CTNNA3: variants seen among roughly 807,000 people sequenced by gnomAD.
CTNNA3 encodes catenin alpha-3.
A neutral mutation model predicts 95.7 loss-of-function variants in CTNNA3; 76 were observed. That is an observed-to-expected ratio of 0.79 (90% confidence interval 0.66 to 0.96). CTNNA3 has a LOEUF of 0.96. CTNNA3 is among the 40% of genes least tolerant of loss of function. The probability of loss-of-function intolerance (pLI) is 0.00; values close to 1 mark genes in which losing one functional copy is unlikely to be tolerated. For synonymous variants in CTNNA3, 431 were observed against 374.4 expected (o/e 1.15, Z -1.74); for missense variants, 1,191 against 1,089.8 (o/e 1.09, Z -1.31).
At chr10:65,943,045 T>C (rs557374255) in intron 17 of CTNNA3, among the ~76,000 whole-genome samples, 1 of 152,026 alleles carries the variant, frequency 6.6e-6, no homozygotes, top group African/African-American at 2.4e-5. Context: ...CTGTTGATAA[T>C]AGTTATGTCT....
chr10:66,596,130 T>C (rs1843705781), intron 10 of CTNNA3, among the ~76,000 whole-genome samples: 1 of 151,728 alleles, frequency 6.6e-6, no homozygotes, highest in African/African-American at 2.4e-5. Flanking sequence ...ATTAGCAAAA[T>C]GAAATAATCT....
chr10:67,544,467 G>A (rs1840780030), intron 3 of CTNNA3, among the ~76,000 whole-genome samples: 2 of 152,094 alleles, frequency 1.3e-5, no homozygotes, highest in African/African-American at 4.8e-5. Context: ...TCTGAGCTGG[G>A]GAGACAAAGC....
chr10:66,321,431 T>C (rs1389879693), intron 12 of CTNNA3, among the ~76,000 whole-genome samples: 4 of 152,096 alleles, frequency 2.6e-5, no homozygotes, highest in Non-Finnish European at 2.9e-5. Context: ...AAGAAGTAAC[T>C]TAACTGTGCA....
chr10:67,443,037 C>T (rs1344726901), intron 5 of CTNNA3, among the ~76,000 whole-genome samples: 1 of 146,826 alleles, frequency 6.8e-6, no homozygotes, highest in Non-Finnish European at 1.5e-5. Context: ...TGAGTGAGAA[C>T]ATGCGGTGTT....
chr10:67,392,296 C>T (rs528909530), intron 5 of CTNNA3, among the ~76,000 whole-genome samples: 6 of 152,274 alleles, frequency 3.9e-5, no homozygotes, highest in Admixed American at 6.5e-5. Flanking sequence ...CCAACAGACA[C>T]GTGAAAAAAT....
At chr10:66,187,976 T>G (rs1335852853) in intron 13 of CTNNA3, among the ~76,000 whole-genome samples, 1 of 152,114 alleles carries the variant, frequency 6.6e-6, no homozygotes, top group African/African-American at 2.4e-5. Context: ...TTTGAATATG[T>G]TCAAAGAAAA....
chr10:67,223,478 TC>T (rs1864748933), intron 5 of CTNNA3, among the ~76,000 whole-genome samples: 2 of 152,182 alleles, frequency 1.3e-5, no homozygotes, highest in African/African-American at 2.4e-5. Context: ...TTATTTATAA[TC>T]TTTTTTTAAA....
chr10:67,687,067 ACCTGGTTACAGGCCAT>A (rs1197054785), intron 1 of CTNNA3, among the ~76,000 whole-genome samples: 2 of 152,234 alleles, frequency 1.3e-5, no homozygotes, highest in African/African-American at 2.4e-5. Context: ...TGGGAGAAAT[ACCTGGTTACAGGCCAT>A]CCCAGGATTC....
chr10:67,114,469 C>A (rs1859068475), intron 7 of CTNNA3, among the ~76,000 whole-genome samples: 1 of 151,964 alleles, frequency 6.6e-6, no homozygotes, highest in Non-Finnish European at 1.5e-5. Flanking sequence ...AATATTAAAG[C>A]TAGTCCACAC....
intron 7 of CTNNA3, among the ~76,000 whole-genome samples, chr10:66,984,905 T>G (rs1021251961): frequency 6.6e-6 from 1 of 152,202 alleles, no homozygotes; most frequent in African/African-American, 2.4e-5. Context: ...GCTTTTTTTT[T>G]GTTTAAGTAC....
intron 15 of CTNNA3, among the ~76,000 whole-genome samples, chr10:65,990,375 A>G (rs1192998923): frequency 1.4e-5 from 2 of 147,938 alleles, no homozygotes; most frequent in East Asian, 3.9e-4. Context: ...TTTTCAACAT[A>G]CCTTTGCCAG....
chr10:66,109,866 C>CAAA lies in CTNNA3; in HGVS notation c.1885-6620_1885-6618dup, dbSNP rs201092050. Among the ~76,000 whole-genome samples the CAAA allele has an allele frequency of 2.5e-4, 35 of 140,834 alleles. No individual in the cohort carries two copies. In the South Asian group the frequency reaches 4.3e-3, roughly 17 times the overall value. 92.4% of individuals were successfully genotyped at this position (140,834 alleles called of 152,430 possible). A position where few individuals can be genotyped will look rare whatever the true frequency, so the allele number is the denominator to read the frequency against. ...CACATGTAACCTAAAACTTAAAGTA[C>CAAA]AAAAAAAAAAAACTACAAACTTGCT... is the stretch of plus-strand genomic sequence containing the variant. On this transcript the variant is annotated intron_variant, in intron 13 of 17. Transcript: ENST00000433211.
intron 5 of CTNNA3, among the ~76,000 whole-genome samples, chr10:67,353,907 C>G (rs982283168): frequency 6.6e-6 from 1 of 151,998 alleles, no homozygotes; most frequent in Non-Finnish European, 1.5e-5. Flanking sequence ...ACCAATGAAG[C>G]TGCAATGTCT....
intron 9 of CTNNA3, among the ~76,000 whole-genome samples, chr10:66,735,113 T>C (rs1849092028): frequency 6.6e-6 from 1 of 151,772 alleles, no homozygotes; most frequent in South Asian, 2.1e-4. Context: ...CAGTGAAAGT[T>C]TTCTAAATGC....
chr10:66,334,291 G>C (rs2092368900), intron 12 of CTNNA3, among the ~76,000 whole-genome samples: 1 of 151,924 alleles, frequency 6.6e-6, no homozygotes, highest in African/African-American at 2.4e-5. Context: ...TGGTTATTTT[G>C]CTCGTTAGTT....
intron 11 of CTNNA3, among the ~76,000 whole-genome samples, chr10:66,425,278 C>T (rs1310397933): frequency 2.6e-5 from 4 of 151,646 alleles, no homozygotes; most frequent in African/African-American, 9.7e-5. Context: ...TAATATAATA[C>T]ATTTAATATT....
intron 11 of CTNNA3, among the ~76,000 whole-genome samples, chr10:66,434,306 G>T (rs1008189135): frequency 5.3e-5 from 8 of 151,364 alleles, no homozygotes; most frequent in African/African-American, 1.7e-4. Flanking sequence ...TGTTTGTGTT[G>T]TCTCTGATTT....
chr10:66,570,220 C>T (rs976844173), intron 10 of CTNNA3, among the ~76,000 whole-genome samples: 1 of 152,154 alleles, frequency 6.6e-6, no homozygotes, highest in African/African-American at 2.4e-5. Flanking sequence ...CTAAATCCCA[C>T]AGAAAATCTT....
At chr10:66,445,542 T>C (rs1433763843) in intron 11 of CTNNA3, among the ~76,000 whole-genome samples, 1 of 152,026 alleles carries the variant, frequency 6.6e-6, no homozygotes, top group Non-Finnish European at 1.5e-5. Context: ...CTCAACTACA[T>C]GGAAACGGAA....
Sources: gnomAD v4.1 joint callset for allele counts (sites outside exome capture counted in the v4.1 genomes callset) on GRCh38, gnomAD v4.1.1 for gene constraint, MANE v1.5 for transcripts, NCBI Gene and HGNC (gene_info 2026-07-23, HGNC 2026-07-21) for gene names.